ANKDD1B: variants seen among roughly 807,000 people sequenced by gnomAD.
The protein encoded by ANKDD1B is ankyrin repeat and death domain containing 1B.
ANKDD1B carries 57 observed loss-of-function variants against 59.7 expected under a neutral mutation model. The ratio of observed to expected loss-of-function variants is 0.95; its 90% confidence interval spans 0.77 to 1.19. ANKDD1B has a LOEUF of 1.19. ANKDD1B is among the 50% of genes most tolerant of loss of function. The pLI, the probability that ANKDD1B is intolerant of heterozygous loss-of-function variation, is 0.00. For missense variants in ANKDD1B, 602 were observed against 641.9 expected (o/e 0.94, Z 0.67); for synonymous variants, 216 against 239.5 (o/e 0.90, Z 0.91).
At chr5:75,628,498 A>T (rs1260450575) in intron 5 of ANKDD1B, among the ~76,000 whole-genome samples, 4 of 152,130 alleles carry the variant, frequency 2.6e-5, no homozygotes, top group African/African-American at 9.7e-5. Flanking sequence ...GCTTAAAGGT[A>T]TTGTGGAGTT....
In ANKDD1B at chr5:75,671,657, T is replaced by G. The variant is rs1268522887; in HGVS notation, c.*617T>G. On this transcript the variant is annotated 3_prime_UTR_variant, in exon 14 of 14. Transcript: ENST00000601380. ...TGTTGACTTTAAATCACACATTTTG[T>G]GTAATATATTACTTAGGAAAGACCA... is the stretch of plus-strand genomic sequence containing the variant. 6.6e-6 allele frequency: 1 copy of G among 152,138 alleles called. No individual in the cohort carries two copies. Among genetic ancestry groups the G allele is most frequent in the Non-Finnish European group, 1.5e-5 (1 of 68,018 alleles). 9.4% of individuals were successfully genotyped at this position (152,138 alleles called of 1,614,324 possible).
intron 5 of ANKDD1B, among the ~76,000 whole-genome samples, chr5:75,626,238 C>A (rs372472363): frequency 1.8e-4 from 28 of 152,136 alleles, no homozygotes; most frequent in African/African-American, 6.5e-4. Context: ...GTATCCTATC[C>A]CCTCTAGTAA....
chr5:75,631,895 C>T (rs1461033447), intron 5 of ANKDD1B, among the ~76,000 whole-genome samples: 1 of 152,030 alleles, frequency 6.6e-6, no homozygotes, highest in African/African-American at 2.4e-5. Context: ...AACTTGAGGT[C>T]TGGAGTTTGA....
rs375695265 is a variant in ANKDD1B, at chr5:75,661,097, TA to T, written c.1095+1723del. Among the ~76,000 whole-genome samples the T allele has an allele frequency of 5.4e-5, 8 of 148,098 alleles. No homozygotes were observed. In the East Asian group the frequency reaches 1.4e-3, roughly 26 times the overall value. ...TTTTTTGTTTTTTTTTTTCTGATCA[TA>T]AAAAAAGTAACACAGACTGGCTGGG... On this transcript the variant is annotated intron_variant, in intron 10 of 13. Transcript: ENST00000601380.
intron 3 of ANKDD1B, among the ~76,000 whole-genome samples, chr5:75,620,958 A>G (rs541011262): frequency 9.4e-4 from 143 of 152,248 alleles, no homozygotes; most frequent in African/African-American, 3.4e-3. Flanking sequence ...TCTGCTGTGT[A>G]CTTCCCACAA....
chr5:75,625,861 G>A lies in ANKDD1B; in HGVS notation c.506G>A (p.Ser169Asn), dbSNP rs9332464. 360,429 of 1,535,122 alleles carry A rather than the reference G, an allele frequency of 0.23. 45,531 individuals carry two copies. The highest frequency in any genetic ancestry group is 0.42 in the South Asian group (35,395 of 84,026). Residue 169 changes from serine (S) to asparagine (N), a missense_variant, in exon 5 of 14, where the codon AGC becomes AAC. Physicochemically the swap from Ser to Asn is conservative, Grantham distance 46 (BLOSUM62 1). Transcript: ENST00000601380. ...CCTGGTTCTCTTCAGGATGGAATGA[G>A]CGCCCTCCACTTTGCCACTCAGAGC... ...DQRAKNQDGM[S>N]ALHFATQSNH...
At chr5:75,632,332 C>A (rs1001126601) in intron 5 of ANKDD1B, among the ~76,000 whole-genome samples, 2 of 152,160 alleles carry the variant, frequency 1.3e-5, no homozygotes, top group East Asian at 3.8e-4. Flanking sequence ...ATGATGTCAG[C>A]AGGGCTCTTT....
chr5:75,656,698 AGCCT>A (rs1774988094), intron 9 of ANKDD1B, among the ~76,000 whole-genome samples: 1 of 152,216 alleles, frequency 6.6e-6, no homozygotes, highest in South Asian at 2.1e-4. Flanking sequence ...GCACTGAATG[AGCCT>A]GCTCTCTGGG....
chr5:75,655,823 G>T (rs185921859), intron 8 of ANKDD1B, among the ~76,000 whole-genome samples: 1 of 152,178 alleles, frequency 6.6e-6, no homozygotes, highest in African/African-American at 2.4e-5. Context: ...AAGAACAAAG[G>T]GGGTGGGCCG....
At chr5:75,637,113 C>T (rs946866329) in intron 7 of ANKDD1B, among the ~76,000 whole-genome samples, 3 of 151,442 alleles carry the variant, frequency 2.0e-5, no homozygotes, top group African/African-American at 7.3e-5. Flanking sequence ...GGTGTACTGA[C>T]GGGTGCCTGT....
In ANKDD1B at chr5:75,621,835, T is replaced by C. The variant is rs185118318; in HGVS notation, c.396+1422T>C. On this transcript the variant is annotated intron_variant, in intron 3 of 13. Transcript: ENST00000601380. ...CTTGAGGTTTTTCTAAACATCTATT[T>C]GTATTACCTTGTCTCTGAAGCATGA... 7.9e-4 allele frequency among the ~76,000 whole-genome samples: 121 copies of C among 152,338 alleles called. 1 individual carries two copies. Among genetic ancestry groups the C allele is most frequent in the Non-Finnish European group, 1.1e-3 (73 of 68,018 alleles).
intron 9 of ANKDD1B, among the ~76,000 whole-genome samples, chr5:75,656,344 G>A (rs1440329945): frequency 6.6e-6 from 1 of 152,176 alleles, no homozygotes; most frequent in African/African-American, 2.4e-5. Context: ...TTCAGCCATT[G>A]CGTGATTAAA....
At position 75,669,320 on chromosome 5, in the gene ANKDD1B, C is replaced by T. The variant is rs1193036794; in HGVS notation, c.1462C>T (p.Gln488Ter). 4.9e-6 allele frequency: 6 copies of T among 1,232,032 alleles called. No individual in the cohort carries two copies. In the African/African-American group the frequency reaches 7.8e-5, roughly 16 times the overall value. 76.3% of individuals were successfully genotyped at this position (1,232,032 alleles called of 1,614,324 possible). A position where few individuals can be genotyped will look rare whatever the true frequency, so the allele number is the denominator to read the frequency against. Residue 488 changes from glutamine to a stop codon, truncating the protein, a stop_gained, in exon 13 of 14, where the codon CAG (glutamine) becomes TAG (stop). Transcript: ENST00000601380. LOFTEE classifies it high-confidence loss of function. ...LIWLHGTLMT[Q>*]GDPAKQLYEE... ...CTGGCTACACGGGACCCTGATGACT[C>T]AGGGTGACCCGGCCAAGCAACTGTA...
At chr5:75,621,047 G>A (rs1863934) in intron 3 of ANKDD1B, among the ~76,000 whole-genome samples, 40,972 of 152,044 alleles carry the variant, frequency 0.27, 5,962 homozygotes, top group South Asian at 0.43. Context: ...CTTTATGACC[G>A]CAGTTCCTCT....
intron 13 of ANKDD1B, 52 bp from the exon 14 acceptor site, chr5:75,670,927 T>A: frequency 1.5e-6 from 1 of 661,708 alleles, no homozygotes. Context: ...TGGTAGACAA[T>A]CAGTGCTTTA....
intron 7 of ANKDD1B, among the ~76,000 whole-genome samples, chr5:75,638,031 A>G (rs919437012): frequency 2.6e-5 from 4 of 152,142 alleles, no homozygotes; most frequent in African/African-American, 9.7e-5. Flanking sequence ...TGTAAAGGCC[A>G]CCTCTTAATC....
intron 12 of ANKDD1B, among the ~76,000 whole-genome samples, chr5:75,668,576 G>A (rs936535940): frequency 3.9e-5 from 6 of 152,194 alleles, no homozygotes; most frequent in Non-Finnish European, 7.3e-5. Flanking sequence ...TGCACAGCAT[G>A]TCTGCTCCTG....
chr5:75,628,321 A>T (rs1032267723), intron 5 of ANKDD1B, among the ~76,000 whole-genome samples: 2 of 152,150 alleles, frequency 1.3e-5, no homozygotes, highest in African/African-American at 4.8e-5. Flanking sequence ...GACAACCATG[A>T]GTATACTTAA....
chr5:75,624,814 A>G (rs1364867075), intron 3 of ANKDD1B, among the ~76,000 whole-genome samples: 1 of 152,178 alleles, frequency 6.6e-6, no homozygotes, highest in African/African-American at 2.4e-5. Context: ...ATACATATAC[A>G]TGTATGGGGT....
Sources: gnomAD v4.1 joint callset for allele counts (sites outside exome capture counted in the v4.1 genomes callset) on GRCh38, gnomAD v4.1.1 for gene constraint, MANE v1.5 for transcripts, NCBI Gene and HGNC (gene_info 2026-07-23, HGNC 2026-07-21) for gene names.